The following DIXDC1 variants were observed in gnomAD, a reference collection of about 807,000 sequenced individuals.
DIXDC1 encodes the protein DIX domain containing 1.
Under a neutral mutation model 103.1 loss-of-function variants are expected in DIXDC1, and 64 were observed. The observed-to-expected ratio is 0.62, with a 90% confidence interval of 0.51 to 0.76. The LOEUF (loss-of-function observed/expected upper bound fraction) is 0.76, where lower values mean the gene tolerates loss of function less well. Ranked by LOEUF, DIXDC1 falls within the 30% of genes least tolerant of loss-of-function variation. DIXDC1 has a pLI of 0.00. For missense variants in DIXDC1, 759 were observed against 834.2 expected, an observed-to-expected ratio of 0.91 and a Z score of 1.11; for synonymous variants, 266 against 298.5, an observed-to-expected ratio of 0.89 and a Z score of 1.12.
intron 1 of DIXDC1, among the ~76,000 whole-genome samples, chr11:111,945,056 A>G (rs1014225153): frequency 2.0e-5 from 3 of 152,206 alleles, no homozygotes; most frequent in Non-Finnish European, 4.4e-5. Context: ...TTATTGACTC[A>G]TGGAATCCAA....
At chr11:112,006,752 A>G (rs1042437181) in intron 17 of DIXDC1, among the ~76,000 whole-genome samples, 1 of 152,260 alleles carries the variant, frequency 6.6e-6, no homozygotes, top group Admixed American at 6.5e-5. Context: ...ACAGAAAGGA[A>G]TAGCATCAGC....
intron 7 of DIXDC1, among the ~76,000 whole-genome samples, chr11:111,984,765 A>G (rs1860434578): frequency 6.6e-6 from 1 of 152,204 alleles, no homozygotes; most frequent in Non-Finnish European, 1.5e-5. Flanking sequence ...TTTAGGGAGT[A>G]AAAATGCAGA....
chr11:111,957,537 C>T (rs111668384), intron 1 of DIXDC1, among the ~76,000 whole-genome samples: 2 of 152,186 alleles, frequency 1.3e-5, no homozygotes, highest in Non-Finnish European at 2.9e-5. Flanking sequence ...TGGTATGGTT[C>T]GCTGAGAAGA....
intron 1 of DIXDC1, among the ~76,000 whole-genome samples, chr11:111,942,600 T>C (rs1240580331): frequency 6.6e-6 from 1 of 152,226 alleles, no homozygotes; most frequent in Non-Finnish European, 1.5e-5. Flanking sequence ...CATCCATTCA[T>C]TCACATGCAT....
At chr11:111,954,305 G>A (rs1198414297) in intron 1 of DIXDC1, among the ~76,000 whole-genome samples, 11 of 151,906 alleles carry the variant, frequency 7.2e-5, no homozygotes, top group Admixed American at 7.2e-4. Context: ...TTCACAATAG[G>A]GTTCCCATTC....
chr11:111,968,292 A>G (rs1402744976), intron 2 of DIXDC1, among the ~76,000 whole-genome samples: 2 of 152,222 alleles, frequency 1.3e-5, no homozygotes, highest in African/African-American at 4.8e-5. Flanking sequence ...ATGTACACAC[A>G]GTAACTTCAC....
chr11:111,981,151 C>T (rs1860293705), intron 6 of DIXDC1, among the ~76,000 whole-genome samples: 1 of 151,946 alleles, frequency 6.6e-6, no homozygotes, highest in East Asian at 1.9e-4. Flanking sequence ...CAAGTAAACA[C>T]TTTTATTATT....
chr11:111,974,727 C>A, intron 4 of DIXDC1, 149 bp from the exon 5 acceptor site: 1 of 1,409,198 alleles, frequency 7.1e-7, no homozygotes, highest in South Asian at 1.5e-5. Context: ...GTCTGCCTTC[C>A]CTGCTAGGTA....
chr11:111,990,763 A>G (rs148367662), intron 10 of DIXDC1, among the ~76,000 whole-genome samples: 2,462 of 151,964 alleles, frequency 0.016, 66 homozygotes, highest in African/African-American at 0.056. Flanking sequence ...CTGGAGTGCA[A>G]TGGTATGATC....
At chr11:112,005,901 AG>A (rs1861222103) in intron 17 of DIXDC1, among the ~76,000 whole-genome samples, 1 of 152,186 alleles carries the variant, frequency 6.6e-6, no homozygotes, top group Admixed American at 6.5e-5. Context: ...GCACTTTGGG[AG>A]GCCAAGGCGG....
intron 17 of DIXDC1, among the ~76,000 whole-genome samples, chr11:112,004,070 A>AT (rs1416790308): frequency 3.4e-5 from 5 of 147,310 alleles, no homozygotes; most frequent in Admixed American, 6.8e-5. Flanking sequence ...ATATGTGTAT[A>AT]TATATGTGTG....
chr11:112,014,769 T>C (rs1482882921), intron 17 of DIXDC1, among the ~76,000 whole-genome samples: 3 of 152,244 alleles, frequency 2.0e-5, no homozygotes, highest in Non-Finnish European at 2.9e-5. Flanking sequence ...AAATTAAATA[T>C]ATAGCTTTAA....
chr11:112,009,555 C>A (rs587714086), intron 17 of DIXDC1, among the ~76,000 whole-genome samples: 44 of 152,278 alleles, frequency 2.9e-4, no homozygotes, highest in African/African-American at 9.6e-4. Flanking sequence ...ATGCGAAAAT[C>A]TTCAATAAAA....
chr11:112,014,131 A>G (rs1056344802), intron 17 of DIXDC1, among the ~76,000 whole-genome samples: 3 of 152,314 alleles, frequency 2.0e-5, no homozygotes, highest in Admixed American at 6.5e-5. Flanking sequence ...TTGGGGATCA[A>G]CTTTCAACAT....
rs782121271 is a variant in DIXDC1 at position 112,015,799 on chromosome 11, C to CTTT, written c.1757-871_1757-869dup. Among the ~76,000 whole-genome samples the CTTT allele has an allele frequency of 3.3e-3, 153 of 46,988 alleles. 1 individual carries two copies. The highest frequency in any genetic ancestry group is 3.5e-3 in the African/African-American group (39 of 11,278). 30.8% of individuals were successfully genotyped at this position (46,988 alleles called of 152,430 possible). On this transcript the variant is annotated intron_variant, in intron 17 of 19. Transcript: ENST00000440460. ...CCTGGGCGACAGAGCGAGACCCTGT[C>CTTT]TTTTTTTTTTTTTTTTTTTTTTTGC...
chr11:111,973,975 C>G, intron 3 of DIXDC1, 48 bp from the exon 4 acceptor site: 1 of 1,590,188 alleles, frequency 6.3e-7, no homozygotes, highest in East Asian at 2.2e-5. Flanking sequence ...TTGCCTCCCT[C>G]TTAGGACCTC....
intron 1 of DIXDC1, among the ~76,000 whole-genome samples, chr11:111,948,345 A>G (rs114867628): frequency 1.5e-4 from 23 of 152,024 alleles, no homozygotes; most frequent in African/African-American, 3.4e-4. Context: ...CCTGTCCTCT[A>G]CCTTCTTAAG....
intron 2 of DIXDC1, among the ~76,000 whole-genome samples, chr11:111,965,129 G>T (rs919776824): frequency 2.6e-5 from 4 of 152,126 alleles, no homozygotes; most frequent in African/African-American, 9.7e-5. Context: ...GGAAGTAGTA[G>T]TCAGGCAAAA....
At chr11:111,951,733 A>C (rs587741023) in intron 1 of DIXDC1, among the ~76,000 whole-genome samples, 2 of 152,176 alleles carry the variant, frequency 1.3e-5, no homozygotes, top group Non-Finnish European at 2.9e-5. Context: ...ATGGCTTATG[A>C]GGCAGAGTTT....
Sources: allele counts gnomAD v4.1 joint callset (sites outside exome capture counted in the v4.1 genomes callset), GRCh38; gene constraint gnomAD v4.1.1; transcripts MANE v1.5; gene names NCBI Gene and HGNC (gene_info 2026-07-23, HGNC 2026-07-21).